Variants in CCDC38 observed in about 807,000 individuals in gnomAD.
CCDC38 encodes the protein coiled-coil domain containing 38, also known as coiled-coil domain-containing protein 38.
A neutral mutation model predicts 72.8 loss-of-function variants in CCDC38; 69 were observed. The ratio of observed to expected loss-of-function variants is 0.95; its 90% CI spans 0.78 to 1.16. The LOEUF (loss-of-function observed/expected upper bound fraction) is 1.16, where lower values mean the gene tolerates loss of function less well. Ranked by LOEUF, CCDC38 falls within the 50% of genes most tolerant of loss-of-function variation. The pLI, the probability that CCDC38 is intolerant of heterozygous loss-of-function variation, is 0.00. For missense variants in CCDC38, 626 were observed against 638.9 expected, an observed-to-expected ratio of 0.98 and a Z score of 0.22; for synonymous variants, 201 against 213.2, an observed-to-expected ratio of 0.94 and a Z score of 0.50.
intron 10 of CCDC38, among the ~76,000 whole-genome samples, chr12:95,881,884 C>G (rs1014386355): frequency 6.6e-6 from 1 of 152,190 alleles, no homozygotes; most frequent in Non-Finnish European, 1.5e-5. Context: ...GCCTATGTTG[C>G]CTCATCCTTT....
At chr12:95,916,467 T>G (rs1179472901) in intron 4 of CCDC38, among the ~76,000 whole-genome samples, 2 of 151,840 alleles carry the variant, frequency 1.3e-5, no homozygotes, top group Admixed American at 6.6e-5. Context: ...TTGGAAAACA[T>G]TCATTTTGGG....
At chr12:95,890,282 G>A (rs1048173170) in intron 9 of CCDC38, among the ~76,000 whole-genome samples, 1 of 152,220 alleles carries the variant, frequency 6.6e-6, no homozygotes, top group Non-Finnish European at 1.5e-5. Context: ...AGATAGCGCA[G>A]CCCAGTGGGC....
intron 14 of CCDC38, 116 bp from the exon 15 acceptor site, chr12:95,869,689 A>G (rs932269174): frequency 2.0e-5 from 14 of 704,442 alleles, no homozygotes; most frequent in Non-Finnish European, 2.4e-5. Flanking sequence ...AGGTAAATGA[A>G]AATGACACTT....
At chr12:95,878,406 A>G (rs1353697233) in intron 12 of CCDC38, 60 bp from the exon 13 acceptor site, 6 of 1,533,518 alleles carry the variant, frequency 3.9e-6, no homozygotes, top group African/African-American at 1.4e-5. Context: ...AATAACCATC[A>G]GTCAGGAGCT....
At position 95,908,354 on chromosome 12, in the gene CCDC38, C is replaced by G. The variant is rs776442568; in HGVS notation, c.305-1903G>C. The stretch of plus-strand genomic sequence containing the variant: ...GCGCGCGCCTGCAATCGCAGGCACT[C>G]GGCAGGCTGAGGCAGGAGAATCAGG... On this transcript the variant is annotated intron_variant, in intron 4 of 15. Coordinates refer to ENST00000344280, the MANE Select transcript of CCDC38 (RefSeq NM_182496.3). Among the ~76,000 whole-genome samples the G allele has an allele frequency of 4.2e-3, 615 of 147,812 alleles. 1 individual carries two copies. The highest frequency in any genetic ancestry group is 6.8e-3 in the Middle Eastern group (2 of 294).
chr12:95,917,733 G>A (rs1311364758), intron 3 of CCDC38, among the ~76,000 whole-genome samples: 3 of 151,920 alleles, frequency 2.0e-5, no homozygotes, highest in African/African-American at 4.8e-5. Context: ...TTAGCCGGGC[G>A]TGGTGACGGG....
chr12:95,867,290 T>TTA (rs1282236677), intron 15 of CCDC38, 101 bp from the exon 16 acceptor site: 11 of 687,880 alleles, frequency 1.6e-5, no homozygotes, highest in Non-Finnish European at 2.6e-5. Context: ...TTACAAGGAA[T>TTA]AATATGGTTT....
At chr12:95,917,722 A>C (rs2080161069) in intron 3 of CCDC38, among the ~76,000 whole-genome samples, 1 of 151,992 alleles carries the variant, frequency 6.6e-6, no homozygotes, top group Admixed American at 6.6e-5. Flanking sequence ...AAATACAAAA[A>C]TTAGCCGGGC....
intron 13 of CCDC38, among the ~76,000 whole-genome samples, chr12:95,875,434 T>C (rs2079625095): frequency 2.9e-5 from 1 of 34,908 alleles, no homozygotes; most frequent in Non-Finnish European, 5.5e-5. Context: ...TTAAGTATCA[T>C]TAAGAGTGGA....
chr12:95,926,822 G>A (rs1360190932), intron 2 of CCDC38, among the ~76,000 whole-genome samples: 1 of 151,402 alleles, frequency 6.6e-6, no homozygotes, highest in Non-Finnish European at 1.5e-5. Flanking sequence ...TCAGGAGCAG[G>A]TTGTTCAGTT....
chr12:95,900,219 T>C (rs1486019014), intron 5 of CCDC38, among the ~76,000 whole-genome samples: 1 of 151,846 alleles, frequency 6.6e-6, no homozygotes, highest in Non-Finnish European at 1.5e-5. Flanking sequence ...TGGAGCAGAG[T>C]GAGCAAGAGA....
In CCDC38 at chr12:95,918,908, C is replaced by A. The variant is rs12368787; in HGVS notation, c.106G>T (p.Val36Phe). 180,869 of 1,607,996 alleles carry A rather than the reference C, an allele frequency of 0.11. 11,047 individuals are homozygous for A. Among genetic ancestry groups the A allele is most frequent in the Non-Finnish European group, 0.12 (145,833 of 1,174,732 alleles). The change falls in exon 3 of 16, where the codon GTC becomes TTC. Residue 36 changes from valine (V) to phenylalanine (F), a missense_variant. Physicochemically the swap from Val to Phe is conservative, Grantham distance 50 (BLOSUM62 -1). Transcript: ENST00000344280. ...TTTGCTGCCATTTCATTTTCTTTGACAAGAAAGAGATCTCTGAAAAAGATC... is the reference window on the plus strand; with the variant it reads ...TTTGCTGCCATTTCATTTTCTTTGAAAAGAAAGAGATCTCTGAAAAAGATC... ...YKIFFRDLFL[V>F]KENEMAAKET... is the part of the protein sequence containing the mutation.
intron 3 of CCDC38, among the ~76,000 whole-genome samples, 155 bp downstream of exon 3, chr12:95,918,721 G>GT (rs2080172028): frequency 6.6e-6 from 1 of 152,122 alleles, no homozygotes; most frequent in African/African-American, 2.4e-5. Flanking sequence ...TTTTTCTGTC[G>GT]TTTGTGTTCA....
intron 11 of CCDC38, among the ~76,000 whole-genome samples, chr12:95,880,489 A>G (rs2079687727): frequency 6.6e-6 from 1 of 152,136 alleles, no homozygotes; most frequent in South Asian, 2.1e-4. Flanking sequence ...CCCCGACTCT[A>G]CTAGAAATAC....
intron 11 of CCDC38, among the ~76,000 whole-genome samples, chr12:95,880,276 A>T (rs2079685491): frequency 6.6e-6 from 1 of 152,244 alleles, no homozygotes; most frequent in African/African-American, 2.4e-5. Flanking sequence ...GATAGCCAAG[A>T]CATGGAAGCA....
At chr12:95,902,911 A>G (rs1238801358) in intron 5 of CCDC38, among the ~76,000 whole-genome samples, 1 of 152,146 alleles carries the variant, frequency 6.6e-6, no homozygotes, top group Non-Finnish European at 1.5e-5. Flanking sequence ...TTCAATTTCT[A>G]CAAGAAAGAC....
intron 2 of CCDC38, among the ~76,000 whole-genome samples, chr12:95,930,232 C>T (rs1048276813): frequency 1.3e-5 from 2 of 152,166 alleles, no homozygotes; most frequent in Admixed American, 6.5e-5. Context: ...GTATTTCTTT[C>T]CTAGTCACAT....
intron 13 of CCDC38, among the ~76,000 whole-genome samples, chr12:95,873,485 A>T (rs545142858): frequency 3.9e-5 from 6 of 152,320 alleles, no homozygotes; most frequent in Admixed American, 3.9e-4. Context: ...AACCTTGCTG[A>T]TCCCTGTACC....
intron 2 of CCDC38, chr12:95,934,713 A>C (rs1423488549): frequency 1.3e-5 from 2 of 151,264 alleles, no homozygotes; most frequent in Admixed American, 6.6e-5. Flanking sequence ...AAAAAAAAAA[A>C]AACTAAATAA....
Sources: allele counts gnomAD v4.1 joint callset (sites outside exome capture counted in the v4.1 genomes callset), GRCh38; gene constraint gnomAD v4.1.1; transcripts MANE v1.5; gene names NCBI Gene and HGNC (gene_info 2026-07-23, HGNC 2026-07-21).